Variants in MSMO1 observed in about 807,000 individuals in gnomAD.
The protein encoded by MSMO1 is C-4 methylsterol oxidase.
In MSMO1, 18 loss-of-function variants were observed where a neutral mutation model predicts 30.4. The observed-to-expected ratio is 0.59, with a 90% CI of 0.41 to 0.88. The LOEUF (loss-of-function observed/expected upper bound fraction) is 0.88. Among genes scored for constraint, MSMO1 ranks in the 40% least tolerant of loss-of-function variants. The pLI, the probability that MSMO1 is intolerant of heterozygous loss-of-function variation, is 0.00. For missense variants in MSMO1, 284 were observed against 340.5 expected (o/e 0.83, Z 1.31); for synonymous variants, 84 against 107.9 (o/e 0.78, Z 1.37).
intron 2 of MSMO1, among the ~76,000 whole-genome samples, chr4:165,335,002 C>A (rs575253278): frequency 1.8e-4 from 27 of 151,930 alleles, no homozygotes; most frequent in Non-Finnish European, 3.7e-4. Context: ...AAAATGACAA[C>A]TATTTATAGA....
Position 165,333,947 on chromosome 4 carries a change from T to C in MSMO1, c.255+322T>C, listed in dbSNP as rs531462619. ...GAGTTCAAGACCATCCTGGGAAACATAGCAAGACCCTGTCTCTACAAAAAA... is the reference window on the plus strand; with the variant it reads ...GAGTTCAAGACCATCCTGGGAAACACAGCAAGACCCTGTCTCTACAAAAAA... On this transcript the variant is annotated intron_variant, in intron 2 of 5. Coordinates refer to ENST00000261507, the MANE Select transcript of MSMO1 (RefSeq NM_006745.5). 4.6e-5 allele frequency among the ~76,000 whole-genome samples: 7 copies of C among 152,124 alleles called. No individual in the cohort carries two copies. In the South Asian group the frequency reaches 1.2e-3, roughly 27 times the overall value.
intron 1 of MSMO1, among the ~76,000 whole-genome samples, chr4:165,328,773 C>T (rs1399780673): frequency 6.6e-6 from 1 of 152,238 alleles, no homozygotes; most frequent in African/African-American, 2.4e-5. Flanking sequence ...TATCCATTCC[C>T]TCGCTCCTTT....
At chr4:165,340,907 A>C (rs1282487360) in intron 5 of MSMO1, among the ~76,000 whole-genome samples, 8 of 152,204 alleles carry the variant, frequency 5.3e-5, no homozygotes, top group Admixed American at 5.2e-4. Flanking sequence ...CTTGGGACAT[A>C]CTTCTGTACT....
At chr4:165,340,791 TG>T (rs1328214867) in intron 5 of MSMO1, among the ~76,000 whole-genome samples, 6 of 152,212 alleles carry the variant, frequency 3.9e-5, no homozygotes, top group Non-Finnish European at 7.4e-5. Flanking sequence ...GCATCCTTTC[TG>T]TTGATTGGAA....
intron 1 of MSMO1, among the ~76,000 whole-genome samples, chr4:165,328,559 T>A (rs1165375477): frequency 2.0e-5 from 3 of 152,188 alleles, no homozygotes; most frequent in Non-Finnish European, 4.4e-5. Context: ...CGTGTTAAAG[T>A]GCCAAAGGAC....
At chr4:165,334,851 A>G (rs192898379) in intron 2 of MSMO1, among the ~76,000 whole-genome samples, 1 of 152,326 alleles carries the variant, frequency 6.6e-6, no homozygotes, top group African/African-American at 2.4e-5. Flanking sequence ...AGTAATTTAC[A>G]TTCACTTAGT....
chr4:165,340,309 G>A lies in MSMO1; in HGVS notation c.620G>A (p.Cys207Tyr). Residue 207 changes from cysteine to tyrosine, a missense_variant, in exon 5 of 6, where the codon TGT becomes TAT. Coordinates refer to ENST00000261507, the MANE Select transcript of MSMO1 (RefSeq NM_006745.5). Reference sequence around the variant, plus strand: ...TTTTTCATTGGAATCGTGCTTTTGTGTGATCATGTAATTCTTCTTTGGGCA... The same window carrying A: ...TTTTTCATTGGAATCGTGCTTTTGTATGATCATGTAATTCTTCTTTGGGCA... ...TGFFIGIVLLCDHVILLWAWV... is the reference protein window; with the variant it reads ...TGFFIGIVLLYDHVILLWAWV... 6.2e-7 allele frequency: 1 copy of A among 1,613,918 alleles called. No homozygotes were observed. Among genetic ancestry groups the A allele is most frequent in the Non-Finnish European group, 8.5e-7 (1 of 1,179,902 alleles).
chr4:165,341,982 T>C lies in MSMO1; in HGVS notation c.*36T>C, dbSNP rs1560852217. 6.5e-7 allele frequency: 1 copy of C among 1,540,414 alleles called. No homozygotes were observed. Among genetic ancestry groups the C allele is most frequent in the Non-Finnish European group, 9.0e-7 (1 of 1,116,408 alleles). Reference sequence around the variant, plus strand: ...TAAACCTTCCTGAAAGATAAACGTTTTCCTGAATTCAGAAACTAGTAGCTA... The same window carrying C: ...TAAACCTTCCTGAAAGATAAACGTTCTCCTGAATTCAGAAACTAGTAGCTA... On this transcript the variant is annotated 3_prime_UTR_variant, in exon 6 of 6. Coordinates refer to ENST00000261507, the MANE Select transcript of MSMO1 (RefSeq NM_006745.5).
chr4:165,333,518 G>A lies in MSMO1; in HGVS notation c.148G>A (p.Ala50Thr). Residue 50 changes from alanine to threonine, a missense_variant, in exon 2 of 6, where the codon GCA becomes ACA. Ala to Thr is a moderately conservative substitution (Grantham distance 58). Transcript: ENST00000261507. ...GAATAATTATACAAAGTTCCAGATT[G>A]CAACATGGGGATCCCTTATAGTTCA... ...MLNNYTKFQI[A>T]TWGSLIVHEA... The A allele has an allele frequency of 6.2e-7, 1 of 1,613,466 alleles. No homozygotes were observed. The highest frequency in any genetic ancestry group is 1.1e-5 in the South Asian group (1 of 90,956).
chr4:165,333,645 A>G lies in MSMO1; in HGVS notation c.255+20A>G, dbSNP rs1337384006. 1 of 1,554,666 alleles carries G rather than the reference A, an allele frequency of 6.4e-7. No homozygotes were observed. Among genetic ancestry groups the G allele is most frequent in the Admixed American group, 1.9e-5 (1 of 52,046 alleles). On this transcript the variant is annotated intron_variant, in intron 2 of 5. Transcript: ENST00000261507. ...CAAAAGGTGAGTATAAGGGACTAGA[A>G]ATAGAATATTATCATTAATGTTGCT...
rs773417862 is a variant in MSMO1 at position 165,342,664 on chromosome 4, C to T, written c.*718C>T. The T allele has an allele frequency of 6.6e-6, 1 of 152,166 alleles. No individual in the cohort carries two copies. Among genetic ancestry groups the T allele is most frequent in the Non-Finnish European group, 1.5e-5 (1 of 68,058 alleles). 9.4% of individuals were successfully genotyped at this position (152,166 alleles called of 1,614,324 possible). A position where few individuals can be genotyped will look rare whatever the true frequency, so the allele number is the denominator to read the frequency against. ...AAGCCACTGCGCCCGGCCTTTTTAACTTTAAACATGTTTTAGAATTCACCT... is the reference window on the plus strand; with the variant it reads ...AAGCCACTGCGCCCGGCCTTTTTAATTTTAAACATGTTTTAGAATTCACCT... On this transcript the variant is annotated 3_prime_UTR_variant, in exon 6 of 6. Coordinates refer to ENST00000261507, the MANE Select transcript of MSMO1 (RefSeq NM_006745.5).
chr4:165,340,432 G>A (rs1357253427), intron 5 of MSMO1, 57 bp downstream of exon 5: 1 of 1,407,374 alleles, frequency 7.1e-7, no homozygotes, highest in Non-Finnish European at 1.0e-6. Flanking sequence ...TATTTTCATG[G>A]CCATAAGATT....
At chr4:165,334,996 T>A (rs1747501075) in intron 2 of MSMO1, among the ~76,000 whole-genome samples, 1 of 152,192 alleles carries the variant, frequency 6.6e-6, no homozygotes, top group Non-Finnish European at 1.5e-5. Context: ...TTATTCAAAA[T>A]GACAACTATT....
intron 2 of MSMO1, among the ~76,000 whole-genome samples, chr4:165,336,951 TCTG>T (rs1360732505): frequency 6.6e-6 from 1 of 152,242 alleles, no homozygotes; most frequent in East Asian, 1.9e-4. Flanking sequence ...TCTTTGGGCT[TCTG>T]CTGATGCGCA....
chr4:165,338,075 C>T (rs1747608647), intron 3 of MSMO1, 138 bp downstream of exon 3: 3 of 767,380 alleles, frequency 3.9e-6, no homozygotes, highest in Middle Eastern at 3.7e-4. Context: ...GAAAAGTAAA[C>T]CACAGTAAAA....
intron 1 of MSMO1, among the ~76,000 whole-genome samples, chr4:165,331,945 G>A (rs10026379): frequency 0.034 from 5,043 of 147,258 alleles, 271 homozygotes; most frequent in African/African-American, 0.12. Context: ...TCTGTCTTCC[G>A]TAACACTCTC....
At chr4:165,331,568 G>A (rs1747390626) in intron 1 of MSMO1, among the ~76,000 whole-genome samples, 1 of 152,120 alleles carries the variant, frequency 6.6e-6, no homozygotes, top group South Asian at 2.1e-4. Flanking sequence ...GAAGGAGGAC[G>A]GCCTGAAGTG....
chr4:165,336,518 A>C (rs1292783230), intron 2 of MSMO1, among the ~76,000 whole-genome samples: 1 of 152,226 alleles, frequency 6.6e-6, no homozygotes, highest in Admixed American at 6.5e-5. Flanking sequence ...AACTGCATCG[A>C]TATCCCAGTC....
At chr4:165,340,407 A>T in intron 5 of MSMO1, 32 bp downstream of exon 5, 2 of 1,544,506 alleles carry the variant, frequency 1.3e-6, no homozygotes, top group Non-Finnish European at 1.8e-6. Context: ...GGTATAAAGC[A>T]TAATGAAATA....
Sources: gnomAD v4.1 joint callset for allele counts (sites outside exome capture counted in the v4.1 genomes callset) on GRCh38, gnomAD v4.1.1 for gene constraint, MANE v1.5 for transcripts, NCBI Gene and HGNC (gene_info 2026-07-23, HGNC 2026-07-21) for gene names.